LPL: variants seen among roughly 807,000 people sequenced by gnomAD.
LPL encodes the protein lipoprotein lipase.
In LPL, 43 loss-of-function variants were observed where a neutral mutation model predicts 52.2. That is an observed-to-expected ratio of 0.82 (90% CI 0.64 to 1.06). The LOEUF (loss-of-function observed/expected upper bound fraction) is 1.06, where lower values mean the gene tolerates loss of function less well. Ranked by LOEUF, LPL falls within the 50% of genes least tolerant of loss-of-function variation. The pLI, the probability that LPL is intolerant of heterozygous loss-of-function variation, is 0.00. For missense variants in LPL, 639 were observed against 585.3 expected (o/e 1.09, Z -0.95); for synonymous variants, 244 against 215.6 (o/e 1.13, Z -1.15).
At chr8:19,940,848 C>T (rs1267258992) in intron 1 of LPL, among the ~76,000 whole-genome samples, 3 of 152,104 alleles carry the variant, frequency 2.0e-5, no homozygotes, top group African/African-American at 7.2e-5. Context: ...CCCAGCACTT[C>T]GGGAGGCCGA....
intron 7 of LPL, among the ~76,000 whole-genome samples, chr8:19,959,966 T>G (rs775934034): frequency 1.3e-5 from 2 of 151,596 alleles, no homozygotes; most frequent in South Asian, 4.2e-4. Context: ...TTTTTGTATT[T>G]TTAGTAGCGA....
In LPL at chr8:19,951,256, T is replaced by G. The variant is rs1433107951; in HGVS notation, c.250-513T>G. On this transcript the variant is annotated intron_variant, in intron 2 of 9. Transcript: ENST00000650287. ...CCATTGTGAAGTAGGGGATCCTGGC[T>G]GAAACAGGGAGACATTAACATTACA... Among the ~76,000 whole-genome samples the G allele has an allele frequency of 2.0e-5, 3 of 152,210 alleles. No homozygotes were observed. The East Asian group carries it at 5.8e-4, about 29-fold the overall frequency.
chr8:19,966,373 G>C lies in LPL; in HGVS notation c.*1063G>C, dbSNP rs1026112178. 2 of 152,154 alleles carry C rather than the reference G, an allele frequency of 1.3e-5. No individual in the cohort carries two copies. The highest frequency in any genetic ancestry group is 4.8e-5 in the African/African-American group (2 of 41,430). The allele number at this position is 152,154 out of a possible 1,614,324, so 9.4% of individuals were successfully genotyped here. On this transcript the variant is annotated 3_prime_UTR_variant, in exon 10 of 10. Coordinates refer to ENST00000650287, the MANE Select transcript of LPL (RefSeq NM_000237.3). ...CGTTTTTACTAAGTAAAAGGGTGGA[G>C]AGGTTCCTGGGGTGGATTCCTAAGC... is the stretch of plus-strand genomic sequence containing the variant.
At chr8:19,940,955 C>G (rs1055778621) in intron 1 of LPL, among the ~76,000 whole-genome samples, 2 of 151,984 alleles carry the variant, frequency 1.3e-5, no homozygotes, top group Non-Finnish European at 2.9e-5. Flanking sequence ...ATTAGCCGGG[C>G]GTGGTGGCCT....
At position 19,961,017 on chromosome 8, in the gene LPL, A is replaced by G. The variant is rs2070033450; in HGVS notation, c.1256A>G (p.Asp419Gly). 1.2e-6 allele frequency: 2 copies of G among 1,614,170 alleles called. No individual in the cohort carries two copies. The highest frequency in any genetic ancestry group is 1.6e-4 in the Middle Eastern group (1 of 6,062). Residue 419 changes from aspartate to glycine, a missense_variant, in exon 8 of 10, where the codon GAC becomes GGC. By Grantham distance (94) the Asp-to-Gly change is moderately conservative. Transcript: ENST00000650287. ...AGTGATTCATACTTTAGCTGGTCAG[A>G]CTGGTGGAGCAGTCCCGGCTTCGCC... Reference protein sequence around the residue: ...WKSDSYFSWSDWWSSPGFAIQ... With the variant: ...WKSDSYFSWSGWWSSPGFAIQ...
chr8:19,958,681 G>GA (rs2070009075), intron 6 of LPL, among the ~76,000 whole-genome samples: 1 of 152,136 alleles, frequency 6.6e-6, no homozygotes, highest in South Asian at 2.1e-4. Flanking sequence ...TTACGGAATG[G>GA]AAAAATCAAC....
At chr8:19,949,613 G>T (rs1400197231) in intron 2 of LPL, among the ~76,000 whole-genome samples, 1 of 152,076 alleles carries the variant, frequency 6.6e-6, no homozygotes, top group Non-Finnish European at 1.5e-5. Context: ...CTCCCGAGTA[G>T]CTGGGACTAC....
intron 6 of LPL, among the ~76,000 whole-genome samples, chr8:19,957,312 T>G (rs1238238300): frequency 6.6e-6 from 1 of 152,100 alleles, no homozygotes; most frequent in Admixed American, 6.5e-5. Flanking sequence ...GATGGAAACC[T>G]GAGGGAAGGG....
chr8:19,955,682 A>AT (rs1214976921), intron 5 of LPL, among the ~76,000 whole-genome samples, 159 bp from the exon 6 acceptor site: 1 of 152,176 alleles, frequency 6.6e-6, no homozygotes, highest in Non-Finnish European at 1.5e-5. Flanking sequence ...ACCACCAAGA[A>AT]TATCTCCTGA....
rs149477831 is a variant in LPL, at chr8:19,948,982, A to G, written c.249+642A>G. 3.0e-3 allele frequency among the ~76,000 whole-genome samples: 450 copies of G among 151,672 alleles called. 2 individuals carry two copies. Among genetic ancestry groups the G allele is most frequent in the Non-Finnish European group, 5.4e-3 (370 of 68,014 alleles). On this transcript the variant is annotated intron_variant, in intron 2 of 9. Coordinates refer to ENST00000650287, the MANE Select transcript of LPL (RefSeq NM_000237.3). ...GGGAACTGACATGCTGACATGCCAG[A>G]TGATTAGAAAAAGTGAAACTGTGAT... is the stretch of plus-strand genomic sequence containing the variant.
chr8:19,952,164 T>C (rs543695580), intron 3 of LPL, among the ~76,000 whole-genome samples: 94 of 152,286 alleles, frequency 6.2e-4, no homozygotes, highest in African/African-American at 2.2e-3. Flanking sequence ...TGCTCTATCG[T>C]TTGATATTTT....
intron 6 of LPL, among the ~76,000 whole-genome samples, chr8:19,958,600 G>A (rs1391309955): frequency 1.3e-5 from 2 of 152,118 alleles, no homozygotes; most frequent in African/African-American, 4.8e-5. Context: ...ATAGGTTATT[G>A]GGGGAACAGG....
chr8:19,939,374 C>A lies in LPL; in HGVS notation c.-67C>A. 6.7e-7 allele frequency: 1 copy of A among 1,503,568 alleles called. No homozygotes were observed. Among genetic ancestry groups the A allele is most frequent in the African/African-American group, 1.4e-5 (1 of 72,630 alleles). 93.1% of individuals were successfully genotyped at this position (1,503,568 alleles called of 1,614,324 possible). On this transcript the variant is annotated 5_prime_UTR_variant, in exon 1 of 10. Coordinates refer to ENST00000650287, the MANE Select transcript of LPL (RefSeq NM_000237.3). The surrounding 1 kb of genome is among the most constrained non-coding windows in gnomAD (Gnocchi z 4.0). ...AAACCGCGGCTCCAGCCCTCTCCAG[C>A]CTCCGGCTCAGCCGGCTCATCAGTC...
chr8:19,953,795 G>C (rs1274830021), intron 4 of LPL, among the ~76,000 whole-genome samples: 5 of 152,188 alleles, frequency 3.3e-5, no homozygotes, highest in Admixed American at 2.6e-4. Context: ...CCGTCATCTA[G>C]GCAAAGGTGT....
chr8:19,952,016 GTTCT>G (rs1157968403), intron 3 of LPL, 68 bp downstream of exon 3: 8 of 1,544,512 alleles, frequency 5.2e-6, no homozygotes, highest in Non-Finnish European at 7.2e-6. Flanking sequence ...AAAACCGGCT[GTTCT>G]TTCTTCCTTT....
At chr8:19,947,200 T>A (rs13252357) in intron 1 of LPL, among the ~76,000 whole-genome samples, 151,344 of 152,310 alleles carry the variant, frequency 0.99, 75,193 homozygotes, top group South Asian at 1. Flanking sequence ...AAATTTTTTT[T>A]AAATTATTTT....
At chr8:19,951,990 T>A in intron 3 of LPL, 42 bp downstream of exon 3, 1 of 1,608,878 alleles carries the variant, frequency 6.2e-7, no homozygotes, top group South Asian at 1.1e-5. Flanking sequence ...AAAACAGTGT[T>A]TTTGACTGGA....
chr8:19,949,476 G>A (rs889942468), intron 2 of LPL, among the ~76,000 whole-genome samples: 2 of 152,052 alleles, frequency 1.3e-5, no homozygotes, highest in African/African-American at 4.8e-5. Flanking sequence ...GGTGTAAGTA[G>A]GAAAAAGGAA....
At position 19,954,633 on chromosome 8, in the gene LPL, T is replaced by A. The variant is rs77066732; in HGVS notation, c.775+280T>A. ...GACAGGAAGACTCCACTGACCTCAA[T>A]AATGGCATCATAAAATGCTATCTGG... On this transcript the variant is annotated intron_variant, in intron 5 of 9. Coordinates refer to ENST00000650287, the MANE Select transcript of LPL (RefSeq NM_000237.3). Among the ~76,000 whole-genome samples the A allele has an allele frequency of 7.6e-3, 1,158 of 152,262 alleles. 15 individuals carry two copies. Among genetic ancestry groups the A allele is most frequent in the Admixed American group, 0.013 (196 of 15,294 alleles).
Sources: allele counts gnomAD v4.1 joint callset (sites outside exome capture counted in the v4.1 genomes callset), GRCh38; gene constraint gnomAD v4.1.1; non-coding constraint Gnocchi (gnomAD v3.1); transcripts MANE v1.5; gene names NCBI Gene and HGNC (gene_info 2026-07-23, HGNC 2026-07-21).